PID1: variants seen among roughly 807,000 people sequenced by gnomAD.
The protein encoded by PID1 is phosphotyrosine interaction domain containing 1, also known as PTB-containing, cubilin and LRP1-interacting protein.
Under a neutral mutation model 19.1 loss-of-function variants are expected in PID1, and 10 were observed. The ratio of observed to expected loss-of-function variants is 0.52; its 90% CI spans 0.32 to 0.89. The LOEUF is 0.89. Ranked by LOEUF, PID1 falls within the 40% of genes least tolerant of loss-of-function variation. The pLI is 0.03. For synonymous variants in PID1, 130 were observed against 116.0 expected (o/e 1.12, Z -0.78); for missense variants, 248 against 285.3 (o/e 0.87, Z 0.94).
chr2:229,062,266 G>T (rs1194095146), intron 2 of PID1, among the ~76,000 whole-genome samples: 1 of 151,858 alleles, frequency 6.6e-6, no homozygotes, highest in South Asian at 2.1e-4. Context: ...CATTCCTTCT[G>T]TGGCTAATTT....
At chr2:229,269,737 G>A (rs559552332) in intron 1 of PID1, among the ~76,000 whole-genome samples, 8 of 152,196 alleles carry the variant, frequency 5.3e-5, no homozygotes, top group African/African-American at 1.2e-4. Flanking sequence ...AGTAAGACAA[G>A]GAGGGGGTTA....
chr2:229,165,646 G>T (rs1574683739), intron 1 of PID1, among the ~76,000 whole-genome samples: 2 of 151,880 alleles, frequency 1.3e-5, no homozygotes, highest in African/African-American at 4.8e-5. Flanking sequence ...ATCCATGAGG[G>T]TTAATAAACC....
intron 2 of PID1, among the ~76,000 whole-genome samples, chr2:229,069,121 C>A (rs1231959087): frequency 2.1e-5 from 3 of 142,264 alleles, no homozygotes; most frequent in Non-Finnish European, 4.6e-5. Flanking sequence ...AATTTCTTTC[C>A]TTTCTTTAAC....
chr2:229,183,031 G>C (rs566542495), intron 1 of PID1, among the ~76,000 whole-genome samples: 2 of 152,208 alleles, frequency 1.3e-5, no homozygotes, highest in African/African-American at 4.8e-5. Flanking sequence ...TGGAACTCAT[G>C]GATGCGACCT....
At chr2:229,129,009 T>A (rs1689652496) in intron 2 of PID1, among the ~76,000 whole-genome samples, 1 of 152,152 alleles carries the variant, frequency 6.6e-6, no homozygotes, top group South Asian at 2.1e-4. Context: ...ACCCCATACA[T>A]ATACACACCT....
rs1038961017 is a variant in PID1 at position 229,264,886 on chromosome 2, G to C, written c.30+6128C>G. Among the ~76,000 whole-genome samples the C allele has an allele frequency of 5.3e-5, 8 of 152,266 alleles. No homozygotes were observed. The East Asian group carries it at 1.5e-3, about 29-fold the overall frequency. ...GACGTAGTAGATGGACAAGAAAGAT[G>C]GACAGAAGAGAAGACAGGAGCTTAG... On this transcript the variant is annotated intron_variant, in intron 1 of 2. Coordinates refer to ENST00000392055, the MANE Select transcript of PID1 (RefSeq NM_001100818.2).
chr2:229,214,542 T>C (rs1691804278), intron 1 of PID1, among the ~76,000 whole-genome samples: 1 of 152,154 alleles, frequency 6.6e-6, no homozygotes, highest in Non-Finnish European at 1.5e-5. Context: ...GAGGGAAGAT[T>C]AGGACATTAT....
intron 1 of PID1, among the ~76,000 whole-genome samples, chr2:229,163,680 T>TGTGTGCGCGC (rs1365270238): frequency 0.017 from 1,794 of 103,660 alleles, 27 homozygotes; most frequent in East Asian, 0.089. Flanking sequence ...TGTGTGCGTG[T>TGTGTGCGCGC]GCGTGTGTGT....
chr2:229,034,772 T>C (rs932314240), intron 2 of PID1, among the ~76,000 whole-genome samples: 7 of 152,084 alleles, frequency 4.6e-5, no homozygotes, highest in African/African-American at 1.7e-4. Context: ...TATATATATA[T>C]GTATAAGCAA....
At chr2:229,156,941 C>T (rs1358360563) in intron 1 of PID1, among the ~76,000 whole-genome samples, 12 of 152,180 alleles carry the variant, frequency 7.9e-5, no homozygotes, top group East Asian at 3.9e-4. Flanking sequence ...CCCCTGATCA[C>T]GCTGCTCCTG....
At chr2:229,088,784 C>T (rs1694816522) in intron 2 of PID1, among the ~76,000 whole-genome samples, 1 of 151,778 alleles carries the variant, frequency 6.6e-6, no homozygotes, top group African/African-American at 2.4e-5. Flanking sequence ...TTCTGCTCTG[C>T]TGAGTAATTA....
At chr2:229,078,176 G>T (rs946020054) in intron 2 of PID1, among the ~76,000 whole-genome samples, 4 of 152,178 alleles carry the variant, frequency 2.6e-5, no homozygotes, top group Non-Finnish European at 5.9e-5. Flanking sequence ...CTGAATGGGA[G>T]TTTGCTCATG....
intron 2 of PID1, among the ~76,000 whole-genome samples, chr2:229,072,294 G>A (rs940573621): frequency 6.6e-6 from 1 of 152,134 alleles, no homozygotes; most frequent in East Asian, 1.9e-4. Context: ...TATGCTAATT[G>A]TATAAAACTA....
chr2:229,257,341 C>CCAT (rs1412215926), intron 1 of PID1, among the ~76,000 whole-genome samples: 3 of 152,172 alleles, frequency 2.0e-5, no homozygotes, highest in Non-Finnish European at 2.9e-5. Flanking sequence ...CTCTAGCCTA[C>CCAT]CATTTCTCTC....
intron 2 of PID1, among the ~76,000 whole-genome samples, chr2:229,145,155 GTATATATATATATATA>G (rs5839309): frequency 3.3e-5 from 4 of 119,942 alleles, no homozygotes; most frequent in African/African-American, 6.3e-5. Context: ...ATATGTATGT[GTATATATATATATATA>G]TATATATATA....
intron 1 of PID1, among the ~76,000 whole-genome samples, chr2:229,235,122 C>T (rs921165752): frequency 1.3e-5 from 2 of 152,212 alleles, no homozygotes; most frequent in African/African-American, 4.8e-5. Context: ...CTCCTCTTCA[C>T]CACTCAGTTC....
intron 2 of PID1, among the ~76,000 whole-genome samples, chr2:229,040,753 G>C (rs942254056): frequency 6.6e-6 from 1 of 152,160 alleles, no homozygotes; most frequent in Non-Finnish European, 1.5e-5. Context: ...TCTGGCTAAA[G>C]ACAGAAAAAC....
chr2:229,067,771 T>C (rs921201723), intron 2 of PID1, among the ~76,000 whole-genome samples: 3 of 152,170 alleles, frequency 2.0e-5, no homozygotes, highest in Non-Finnish European at 2.9e-5. Flanking sequence ...CCCTCCAAGA[T>C]GTGACCTCAC....
intron 1 of PID1, among the ~76,000 whole-genome samples, chr2:229,251,583 G>A (rs535624052): frequency 6.6e-6 from 1 of 152,004 alleles, no homozygotes; most frequent in African/African-American, 2.4e-5. Flanking sequence ...TTATGAAATC[G>A]TTATGCTACA....
Sources: allele counts gnomAD v4.1 joint callset (sites outside exome capture counted in the v4.1 genomes callset), GRCh38; gene constraint gnomAD v4.1.1; transcripts MANE v1.5; gene names NCBI Gene and HGNC (gene_info 2026-07-23, HGNC 2026-07-21).